The following UBE2H variants were observed in gnomAD, a reference collection of about 807,000 sequenced individuals.
UBE2H encodes the protein ubiquitin-conjugating enzyme E2 H.
UBE2H carries 3 observed loss-of-function variants against 29.0 expected under a neutral mutation model. That is an observed-to-expected ratio of 0.10 (90% CI 0.05 to 0.27). The LOEUF is 0.27. Ranked by LOEUF, UBE2H falls within the 10% of genes least tolerant of loss-of-function variation. The pLI is 1.00. For missense variants in UBE2H, 68 were observed against 228.2 expected (o/e 0.30, Z 4.52); for synonymous variants, 69 against 82.9 (o/e 0.83, Z 0.91).
At chr7:129,864,373 C>T (rs1238720342) in intron 3 of UBE2H, among the ~76,000 whole-genome samples, 1 of 152,142 alleles carries the variant, frequency 6.6e-6, no homozygotes, top group Non-Finnish European at 1.5e-5. Context: ...ATGAATATGT[C>T]TGCAACAAGG....
chr7:129,831,256 C>T lies in UBE2H; in HGVS notation c.*3681G>A, dbSNP rs969133239. Reference sequence around the variant, plus strand: ...AGATAGATGATTTCATTCAACAAGGCTGGAAGCCCAGTTGGGAAGTCGATA... The same window carrying T: ...AGATAGATGATTTCATTCAACAAGGTTGGAAGCCCAGTTGGGAAGTCGATA... On this transcript the variant is annotated 3_prime_UTR_variant, in exon 7 of 7. Transcript: ENST00000355621. The T allele has an allele frequency of 1.3e-5, 2 of 152,212 alleles. No homozygotes were observed. Among genetic ancestry groups the T allele is most frequent in the African/African-American group, 4.8e-5 (2 of 41,434 alleles). The allele number at this position is 152,212 out of a possible 1,614,324, so 9.4% of individuals were successfully genotyped here.
At chr7:129,940,124 T>G (rs1807612534) in intron 1 of UBE2H, among the ~76,000 whole-genome samples, 2 of 152,294 alleles carry the variant, frequency 1.3e-5, no homozygotes, top group South Asian at 4.1e-4. Flanking sequence ...TATCTAGTTT[T>G]CTATTTATAT....
chr7:129,886,731 T>C lies in UBE2H; in HGVS notation c.54-5760A>G, dbSNP rs906254286. ...GTCACACTAGGAAAGCTGAAGAAACTTGGCAATTTTCACTACCTGGTTTTT... is the reference window on the plus strand; with the variant it reads ...GTCACACTAGGAAAGCTGAAGAAACCTGGCAATTTTCACTACCTGGTTTTT... On this transcript the variant is annotated intron_variant, in intron 1 of 6. Coordinates refer to ENST00000355621, the MANE Select transcript of UBE2H (RefSeq NM_003344.4). Among the ~76,000 whole-genome samples the C allele has an allele frequency of 9.3e-5, 13 of 139,838 alleles. 1 individual carries two copies. The highest frequency in any genetic ancestry group is 3.0e-4 in the Admixed American group (4 of 13,188). The allele number at this position is 139,838 out of a possible 152,430, so 91.7% of individuals were successfully genotyped here.
intron 3 of UBE2H, among the ~76,000 whole-genome samples, chr7:129,872,019 A>T (rs1157759144): frequency 1.3e-5 from 2 of 151,730 alleles, no homozygotes; most frequent in Admixed American, 6.6e-5. Context: ...GCTACTTTTT[A>T]TATATATATA....
At chr7:129,897,254 T>A (rs1041420611) in intron 1 of UBE2H, among the ~76,000 whole-genome samples, 1 of 152,126 alleles carries the variant, frequency 6.6e-6, no homozygotes, top group Non-Finnish European at 1.5e-5. Context: ...CAAATACCTA[T>A]AAATCCAGAG....
intron 3 of UBE2H, among the ~76,000 whole-genome samples, chr7:129,864,646 G>A (rs894387030): frequency 6.8e-6 from 1 of 147,186 alleles, no homozygotes; most frequent in African/African-American, 2.5e-5. Context: ...CCACCTCACG[G>A]GTTCAAGCTA....
chr7:129,841,101 C>T (rs1367680225), intron 5 of UBE2H, among the ~76,000 whole-genome samples: 1 of 152,162 alleles, frequency 6.6e-6, no homozygotes. Context: ...GTTAAGAAAC[C>T]CTGATCTAGA....
intron 3 of UBE2H, among the ~76,000 whole-genome samples, chr7:129,859,835 C>T (rs1168828691): frequency 9.2e-5 from 14 of 152,142 alleles, no homozygotes; most frequent in Admixed American, 7.2e-4. Flanking sequence ...AGGTGAGTAT[C>T]ACCACCACTA....
intron 5 of UBE2H, among the ~76,000 whole-genome samples, chr7:129,844,633 G>A (rs888167358): frequency 3.9e-5 from 6 of 152,028 alleles, no homozygotes; most frequent in African/African-American, 7.2e-5. Context: ...CCCCATTTCC[G>A]CCTGTCTTAA....
intron 1 of UBE2H, among the ~76,000 whole-genome samples, chr7:129,951,042 T>C (rs1807864858): frequency 6.6e-6 from 1 of 152,210 alleles, no homozygotes; most frequent in African/African-American, 2.4e-5. Flanking sequence ...CTAACCAAGT[T>C]TTCCCTGAGC....
chr7:129,928,025 TAAAA>T (rs71175049), intron 1 of UBE2H, among the ~76,000 whole-genome samples: 3 of 128,510 alleles, frequency 2.3e-5, no homozygotes, highest in Non-Finnish European at 4.8e-5. Context: ...ATCTCAAAAT[TAAAA>T]AAAAAAAAAA....
chr7:129,900,637 T>C (rs1054389461), intron 1 of UBE2H, among the ~76,000 whole-genome samples: 4 of 152,174 alleles, frequency 2.6e-5, no homozygotes, highest in African/African-American at 4.8e-5. Context: ...TTTTTTATTA[T>C]ACTTTAAGTT....
chr7:129,889,703 C>T (rs1345643818), intron 1 of UBE2H, among the ~76,000 whole-genome samples: 3 of 152,054 alleles, frequency 2.0e-5, no homozygotes, highest in Non-Finnish European at 2.9e-5. Flanking sequence ...AACATGAGGC[C>T]GGGTGTAGTG....
rs1371873702 is a variant in UBE2H at position 129,946,069 on chromosome 7, T to C, written c.53+6434A>G. Among the ~76,000 whole-genome samples, 4 of 151,868 alleles carry C rather than the reference T, an allele frequency of 2.6e-5. 1 individual carries two copies. Among genetic ancestry groups the C allele is most frequent in the South Asian group, 4.2e-4 (2 of 4,814 alleles). Reference sequence around the variant, plus strand: ...CCTAGTCATTATTATTTTTTTTTTTTTGAGACGAAGTCTCACTCTGTGGCC... The same window carrying C: ...CCTAGTCATTATTATTTTTTTTTTTCTGAGACGAAGTCTCACTCTGTGGCC... On this transcript the variant is annotated intron_variant, in intron 1 of 6. Coordinates refer to ENST00000355621, the MANE Select transcript of UBE2H (RefSeq NM_003344.4).
chr7:129,900,224 A>T (rs1022729410), intron 1 of UBE2H, among the ~76,000 whole-genome samples: 1 of 152,228 alleles, frequency 6.6e-6, no homozygotes, highest in Non-Finnish European at 1.5e-5. Context: ...GATACGTCAA[A>T]TAGCTCCTTA....
intron 5 of UBE2H, among the ~76,000 whole-genome samples, chr7:129,844,281 C>T (rs1040072268): frequency 2.0e-5 from 3 of 152,164 alleles, no homozygotes; most frequent in African/African-American, 7.2e-5. Context: ...TAAGGCCTTC[C>T]TGCAAGTGGC....
At position 129,839,219 on chromosome 7, in the gene UBE2H, G is replaced by A. The variant is rs1440094185; in HGVS notation, c.415C>T (p.Gln139Ter). ...MYLHRPEEYKQKIKEYIQKYA... is the reference protein window; with the variant it reads ...MYLHRPEEYK The stretch of plus-strand genomic sequence containing the variant: ...CCCATCCTCTTACCTTTAATTTTCT[G>A]CTTGTATTCTTCTGGTCGGTGGAGG... Residue 139 changes from glutamine (Q) to a stop codon, truncating the protein, a stop_gained, in exon 6 of 7, where the codon CAG (glutamine) becomes TAG (stop). Coordinates refer to ENST00000355621, the MANE Select transcript of UBE2H (RefSeq NM_003344.4). LOFTEE classifies it high-confidence loss of function. The A allele has an allele frequency of 6.2e-7, 1 of 1,613,338 alleles. No homozygotes were observed. Among genetic ancestry groups the A allele is most frequent in the Non-Finnish European group, 8.5e-7 (1 of 1,179,748 alleles).
rs533272056 is a variant in UBE2H at position 129,859,019 on chromosome 7, A to T, written c.206-78T>A. ...GTATTTCAGTACTGGAAACAATTTC[A>T]GTATTGGGAAAAGGTGATAATACTT... is the stretch of plus-strand genomic sequence containing the variant. On this transcript the variant is annotated intron_variant, in intron 3 of 6. Coordinates refer to ENST00000355621, the MANE Select transcript of UBE2H (RefSeq NM_003344.4). 46 of 1,199,978 alleles carry T rather than the reference A, an allele frequency of 3.8e-5. No homozygotes were observed. The South Asian group carries it at 5.7e-4, about 15-fold the overall frequency. The allele number at this position is 1,199,978 out of a possible 1,614,324, so 74.3% of individuals were successfully genotyped here. A position where few individuals can be genotyped will look rare whatever the true frequency, so the allele number is the denominator to read the frequency against.
chr7:129,897,668 C>A (rs1388637491), intron 1 of UBE2H, among the ~76,000 whole-genome samples: 1 of 152,146 alleles, frequency 6.6e-6, no homozygotes, highest in Admixed American at 6.5e-5. Flanking sequence ...GAGAACTCTG[C>A]GTTCCAAAAC....
Sources: gnomAD v4.1 joint callset for allele counts (sites outside exome capture counted in the v4.1 genomes callset) on GRCh38, gnomAD v4.1.1 for gene constraint, MANE v1.5 for transcripts, NCBI Gene and HGNC (gene_info 2026-07-23, HGNC 2026-07-21) for gene names.